The following MAPRE1 variants were observed in gnomAD, a reference collection of about 807,000 sequenced individuals.
MAPRE1 encodes the protein microtubule associated protein RP/EB family member 1, also known as microtubule-associated protein RP/EB family member 1.
In MAPRE1, 5 loss-of-function variants were observed where a neutral mutation model predicts 32.1. The observed-to-expected ratio is 0.16, with a 90% confidence interval of 0.08 to 0.33. The LOEUF is 0.33. Ranked by LOEUF, MAPRE1 falls within the 10% of genes least tolerant of loss-of-function variation. The pLI is 1.00. For missense variants in MAPRE1, 209 were observed against 327.2 expected, an observed-to-expected ratio of 0.64 and a Z score of 2.79; for synonymous variants, 122 against 118.9, an observed-to-expected ratio of 1.03 and a Z score of -0.17.
intron 3 of MAPRE1, among the ~76,000 whole-genome samples, chr20:32,834,474 TAGA>T (rs144373953): frequency 0.045 from 6,873 of 152,236 alleles, 187 homozygotes; most frequent in East Asian, 0.078. Context: ...TAGTAGATAA[TAGA>T]TTAAGTAGTT....
intron 2 of MAPRE1, among the ~76,000 whole-genome samples, chr20:32,833,190 A>G (rs1348962866): frequency 2.0e-5 from 3 of 152,054 alleles, no homozygotes; most frequent in Non-Finnish European, 4.4e-5. Context: ...CGACAGTGAG[A>G]CCCTGTTTCG....
chr20:32,824,269 G>A (rs182041316), intron 1 of MAPRE1, among the ~76,000 whole-genome samples: 174 of 152,324 alleles, frequency 1.1e-3, no homozygotes, highest in Middle Eastern at 6.8e-3. Context: ...AATGAGTGAC[G>A]GTTGACTACA....
intron 4 of MAPRE1, among the ~76,000 whole-genome samples, chr20:32,839,512 A>G (rs1177732656): frequency 6.6e-6 from 1 of 152,194 alleles, no homozygotes; most frequent in Non-Finnish European, 1.5e-5. Flanking sequence ...AGCATGAAAC[A>G]TCATGACAGA....
chr20:32,832,236 A>G (rs1156756121), intron 2 of MAPRE1, among the ~76,000 whole-genome samples: 1 of 152,160 alleles, frequency 6.6e-6, no homozygotes, highest in Non-Finnish European at 1.5e-5. Context: ...TTACTTAACC[A>G]CTGGTTTAGC....
rs1983587680 is a variant in MAPRE1, at chr20:32,849,339, T to C, written c.*611T>C. ...TAAAAAGTTGCCCTGTAAAGTTATT[T>C]GGTGTCATTGACCAATTGCATCCCA... On this transcript the variant is annotated 3_prime_UTR_variant, in exon 7 of 7. Coordinates refer to ENST00000375571, the MANE Select transcript of MAPRE1 (RefSeq NM_012325.3). 6.6e-6 allele frequency: 1 copy of C among 152,222 alleles called. No homozygotes were observed. The highest frequency in any genetic ancestry group is 1.5e-5 in the Non-Finnish European group (1 of 68,052). The allele number at this position is 152,222 out of a possible 1,614,324, so 9.4% of individuals were successfully genotyped here. A position where few individuals can be genotyped will look rare whatever the true frequency, so the allele number is the denominator to read the frequency against.
chr20:32,826,828 TAAATA>T (rs1386676029), intron 2 of MAPRE1, among the ~76,000 whole-genome samples: 1 of 152,062 alleles, frequency 6.6e-6, no homozygotes, highest in Admixed American at 6.6e-5. Context: ...GAACTATACT[TAAATA>T]AAGAGTGTGC....
At chr20:32,834,626 G>T (rs1434804292) in intron 3 of MAPRE1, among the ~76,000 whole-genome samples, 4 of 150,488 alleles carry the variant, frequency 2.7e-5, no homozygotes, top group Admixed American at 6.6e-5. Context: ...TGAAATCAGG[G>T]TTTTTTTTTA....
In MAPRE1 at chr20:32,836,617, G is replaced by A; in HGVS notation, c.268-17G>A. The A allele has an allele frequency of 1.3e-6, 2 of 1,518,206 alleles. No homozygotes were observed. The highest frequency in any genetic ancestry group is 1.8e-6 in the Non-Finnish European group (2 of 1,095,240). 94.0% of individuals were successfully genotyped at this position (1,518,206 alleles called of 1,614,324 possible). On this transcript the variant is annotated splice_polypyrimidine_tract_variant and intron_variant, in intron 3 of 6. Coordinates refer to ENST00000375571, the MANE Select transcript of MAPRE1 (RefSeq NM_012325.3). ...AAAGCCTCTTTTTTGGGGCTAAACA[G>A]TTGTTTTTCTCTGCAGATAATTCCT...
intron 3 of MAPRE1, 132 bp from the exon 4 acceptor site, chr20:32,836,502 G>T (rs1983206025): frequency 1.6e-6 from 1 of 608,836 alleles, no homozygotes; most frequent in Non-Finnish European, 2.9e-6. Context: ...TAAATTTAGG[G>T]GCTTAGCCCT....
rs113459843 is a variant in MAPRE1, at chr20:32,836,544, G to A, written c.268-90G>A. 1.1e-4 allele frequency: 81 copies of A among 745,914 alleles called. 1 individual carries two copies. Among genetic ancestry groups the A allele is most frequent in the African/African-American group, 8.7e-4 (49 of 56,566 alleles). 46.2% of individuals were successfully genotyped at this position (745,914 alleles called of 1,614,324 possible). On this transcript the variant is annotated intron_variant, in intron 3 of 6. Transcript: ENST00000375571. ...TCTAAAATATTTTTTTCTCCTTTTG[G>A]CAGAGCTTTATAATGAATTGATGCA...
At chr20:32,824,657 T>C (rs1467340069) in intron 1 of MAPRE1, among the ~76,000 whole-genome samples, 1 of 152,036 alleles carries the variant, frequency 6.6e-6, no homozygotes, top group Non-Finnish European at 1.5e-5. Context: ...CTGATTTACT[T>C]TTTCAATTAT....
intron 1 of MAPRE1, among the ~76,000 whole-genome samples, chr20:32,822,094 A>G (rs1408618070): frequency 1.3e-5 from 2 of 152,156 alleles, no homozygotes; most frequent in Admixed American, 6.5e-5. Flanking sequence ...AGCACGTGGG[A>G]CCAGGTATTA....
intron 5 of MAPRE1, chr20:32,843,204 C>T (rs1206263704): frequency 6.6e-6 from 1 of 152,100 alleles, no homozygotes; most frequent in Non-Finnish European, 1.5e-5. Flanking sequence ...CCTTCCCTTA[C>T]CTGTTACCAC....
At chr20:32,846,222 G>C (rs1741665225) in intron 5 of MAPRE1, among the ~76,000 whole-genome samples, 1 of 152,088 alleles carries the variant, frequency 6.6e-6, no homozygotes, top group South Asian at 2.1e-4. Context: ...CCCTTTCCAG[G>C]GTCCTTTCTA....
chr20:32,839,496 A>T (rs541347510), intron 4 of MAPRE1, among the ~76,000 whole-genome samples: 1 of 152,340 alleles, frequency 6.6e-6, no homozygotes, highest in African/African-American at 2.4e-5. Flanking sequence ...TGAAGGACTT[A>T]TTCCCAGCAT....
chr20:32,846,565 T>C (rs920040088), intron 5 of MAPRE1, 53 bp from the exon 6 acceptor site: 4 of 1,573,272 alleles, frequency 2.5e-6, no homozygotes, highest in Admixed American at 3.3e-5. Flanking sequence ...CTGCCTGATA[T>C]TTTATTGCCA....
intron 2 of MAPRE1, among the ~76,000 whole-genome samples, chr20:32,826,393 A>AT (rs1431650691): frequency 1.5e-4 from 22 of 142,240 alleles, no homozygotes; most frequent in East Asian, 6.4e-4. Context: ...ATTTTTTTGT[A>AT]TTTTTTTTAG....
intron 2 of MAPRE1, among the ~76,000 whole-genome samples, chr20:32,831,569 C>A (rs1343538232): frequency 6.7e-6 from 1 of 150,352 alleles, no homozygotes; most frequent in South Asian, 2.1e-4. Flanking sequence ...TGCTCTGTCT[C>A]CCAGGCTGGA....
chr20:32,825,569 T>C lies in MAPRE1; in HGVS notation c.-3-356T>C, dbSNP rs1205390913. Among the ~76,000 whole-genome samples the C allele has an allele frequency of 2.0e-5, 3 of 152,088 alleles. No homozygotes were observed. The East Asian group carries it at 5.8e-4, about 29-fold the overall frequency. Reference sequence around the variant, plus strand: ...CAGAACTTTGGGAGGCCAAGGTGAGTGGATCACCTGAGGCCAGTAGTTCAA... The same window carrying C: ...CAGAACTTTGGGAGGCCAAGGTGAGCGGATCACCTGAGGCCAGTAGTTCAA... On this transcript the variant is annotated intron_variant, in intron 1 of 6. Coordinates refer to ENST00000375571, the MANE Select transcript of MAPRE1 (RefSeq NM_012325.3).
Sources: allele counts gnomAD v4.1 joint callset (sites outside exome capture counted in the v4.1 genomes callset), GRCh38; gene constraint gnomAD v4.1.1; transcripts MANE v1.5; gene names NCBI Gene and HGNC (gene_info 2026-07-23, HGNC 2026-07-21).